SPAG9: variants seen among roughly 807,000 people sequenced by gnomAD.
The protein encoded by SPAG9 is sperm associated antigen 9.
In SPAG9, 35 loss-of-function variants were observed where a neutral mutation model predicts 166.5. That is an observed-to-expected ratio of 0.21 (90% CI 0.16 to 0.28). SPAG9 has a LOEUF of 0.28. Among genes scored for constraint, SPAG9 ranks in the 10% least tolerant of loss-of-function variants. SPAG9 has a pLI of 1.00. For synonymous variants in SPAG9, 534 were observed against 565.5 expected, an observed-to-expected ratio of 0.94 and a Z score of 0.79; for missense variants, 1,235 against 1,603.3, an observed-to-expected ratio of 0.77 and a Z score of 3.92.
intron 29 of SPAG9, among the ~76,000 whole-genome samples, chr17:50,966,950 A>G (rs73986839): frequency 0.028 from 4,233 of 152,332 alleles, 192 homozygotes; most frequent in African/African-American, 0.096. Flanking sequence ...TTTTCTTCCA[A>G]TGATTTTCAA....
chr17:51,101,908 A>G (rs958331317), intron 1 of SPAG9, among the ~76,000 whole-genome samples: 1 of 152,176 alleles, frequency 6.6e-6, no homozygotes, highest in Non-Finnish European at 1.5e-5. Flanking sequence ...TATAGGCATA[A>G]GCCACCGCGC....
chr17:51,100,783 G>C (rs1452970242), intron 1 of SPAG9, among the ~76,000 whole-genome samples: 1 of 151,994 alleles, frequency 6.6e-6, no homozygotes, highest in Non-Finnish European at 1.5e-5. Context: ...GCCAGGCATG[G>C]TGGTGCATGC....
At chr17:51,006,395 C>T (rs2045220350) in intron 10 of SPAG9, among the ~76,000 whole-genome samples, 158 bp from the exon 11 acceptor site, 1 of 152,036 alleles carries the variant, frequency 6.6e-6, no homozygotes, top group African/African-American at 2.4e-5. Context: ...GCAAAAAGAA[C>T]ACAAAGCAAC....
intron 9 of SPAG9, among the ~76,000 whole-genome samples, chr17:51,008,024 A>C (rs980844184): frequency 6.6e-6 from 1 of 152,222 alleles, no homozygotes; most frequent in Non-Finnish European, 1.5e-5. Flanking sequence ...GACAGAAATA[A>C]AGATGATTTC....
chr17:51,115,755 A>G (rs1159344348), intron 1 of SPAG9, among the ~76,000 whole-genome samples: 1 of 152,022 alleles, frequency 6.6e-6, no homozygotes, highest in Non-Finnish European at 1.5e-5. Context: ...GTTTGAACCC[A>G]GGAGGCGAAG....
In SPAG9 at chr17:51,075,128, G is replaced by A. The variant is rs553296742; in HGVS notation, c.424+4456C>T. Among the ~76,000 whole-genome samples, 236 of 148,338 alleles carry A rather than the reference G, an allele frequency of 1.6e-3. 1 individual carries two copies. The highest frequency in any genetic ancestry group is 5.4e-3 in the African/African-American group (218 of 40,306). Reference sequence around the variant, plus strand: ...GGAAAATCGCTTGAACCTGGGAGGCGGAGGTTGCAGTGAACCAATATCATG... The same window carrying A: ...GGAAAATCGCTTGAACCTGGGAGGCAGAGGTTGCAGTGAACCAATATCATG... On this transcript the variant is annotated intron_variant, in intron 2 of 29. Transcript: ENST00000262013.
intron 2 of SPAG9, among the ~76,000 whole-genome samples, chr17:51,064,320 A>G (rs1339262891): frequency 6.6e-6 from 1 of 152,248 alleles, no homozygotes; most frequent in Non-Finnish European, 1.5e-5. Context: ...GAGGAACTAA[A>G]CAAGTCAAGA....
At chr17:50,999,952 CGACA>C (rs1394245817) in intron 13 of SPAG9, among the ~76,000 whole-genome samples, 1 of 152,070 alleles carries the variant, frequency 6.6e-6, no homozygotes, top group East Asian at 1.9e-4. Flanking sequence ...CTTAGTCTAC[CGACA>C]GAGGACTGTA....
At chr17:51,003,739 C>A (rs570537397) in intron 12 of SPAG9, among the ~76,000 whole-genome samples, 2 of 152,258 alleles carry the variant, frequency 1.3e-5, no homozygotes, top group East Asian at 3.9e-4. Flanking sequence ...CTTAGCAGTC[C>A]TCCTCCTTTG....
At chr17:51,103,443 AAAG>A (rs2048859369) in intron 1 of SPAG9, among the ~76,000 whole-genome samples, 1 of 152,202 alleles carries the variant, frequency 6.6e-6, no homozygotes, top group Non-Finnish European at 1.5e-5. Flanking sequence ...AGGCAACAGA[AAAG>A]AAGAGAAAGT....
At chr17:51,118,761 G>A (rs989496895) in intron 1 of SPAG9, among the ~76,000 whole-genome samples, 2 of 152,082 alleles carry the variant, frequency 1.3e-5, no homozygotes, top group African/African-American at 4.8e-5. Context: ...CCATTCTGGC[G>A]GGGTGCGGTG....
rs962808306 is a variant in SPAG9, at chr17:50,984,785, A to G, written c.3088+138T>C. The G allele has an allele frequency of 3.0e-5, 22 of 733,952 alleles. No homozygotes were observed. The East Asian group carries it at 4.9e-4, about 16-fold the overall frequency. The allele number at this position is 733,952 out of a possible 1,614,324, so 45.5% of individuals were successfully genotyped here. A position where few individuals can be genotyped will look rare whatever the true frequency, so the allele number is the denominator to read the frequency against. On this transcript the variant is annotated intron_variant, in intron 24 of 29. Transcript: ENST00000262013. The stretch of plus-strand genomic sequence containing the variant: ...TGTATACCTCCATGCACGCACTAAT[A>G]TATTTACTGATGTTGTGTATTGTTA...
Position 50,985,771 on chromosome 17 carries a change from C to T in SPAG9, c.2947G>A (p.Val983Ile), listed in dbSNP as rs966505243. 8.8e-6 allele frequency: 14 copies of T among 1,597,514 alleles called. No individual in the cohort carries two copies. The highest frequency in any genetic ancestry group is 1.2e-5 in the Non-Finnish European group (14 of 1,166,344). Reference protein sequence around the residue: ...WLGAQNGCLYVHSSVAQWRKC... With the variant: ...WLGAQNGCLYIHSSVAQWRKC... Reference sequence around the variant, plus strand: ...CTCCACTGGGCTACAGATGAATGGACATACAAACTGTAAGAACAAAGTCAA... The same window carrying T: ...CTCCACTGGGCTACAGATGAATGGATATACAAACTGTAAGAACAAAGTCAA... Residue 983 changes from valine to isoleucine, a missense_variant, in exon 23 of 30, where the codon GTC becomes ATC. By Grantham distance (29) the Val-to-Ile change is conservative. Coordinates refer to ENST00000262013, the MANE Select transcript of SPAG9 (RefSeq NM_001130528.3).
Position 50,965,373 on chromosome 17 carries a change from G to A in SPAG9, c.*899C>T, listed in dbSNP as rs775191531. ...GTTAAGAGCAATCTAGGAACATTTG[G>A]CAAACAAGTACATTTTTTACATGGA... is the stretch of plus-strand genomic sequence containing the variant. On this transcript the variant is annotated 3_prime_UTR_variant, in exon 30 of 30. Coordinates refer to ENST00000262013, the MANE Select transcript of SPAG9 (RefSeq NM_001130528.3). 27 of 152,068 alleles carry A rather than the reference G, an allele frequency of 1.8e-4. No homozygotes were observed. Among genetic ancestry groups the A allele is most frequent in the Non-Finnish European group, 3.2e-4 (22 of 68,008 alleles). 9.4% of individuals were successfully genotyped at this position (152,068 alleles called of 1,614,324 possible).
chr17:50,976,273 T>G (rs1342246386), intron 27 of SPAG9, among the ~76,000 whole-genome samples: 1 of 152,166 alleles, frequency 6.6e-6, no homozygotes, highest in Non-Finnish European at 1.5e-5. Flanking sequence ...CCAATAACTA[T>G]GCTAAAATGA....
chr17:51,039,429 A>G (rs2046744054), intron 5 of SPAG9, among the ~76,000 whole-genome samples: 2 of 152,182 alleles, frequency 1.3e-5, no homozygotes, highest in Admixed American at 1.3e-4. Flanking sequence ...GTACATCCCA[A>G]CTAGTAACAT....
At chr17:51,070,504 T>TA (rs1568059651) in intron 2 of SPAG9, among the ~76,000 whole-genome samples, 1 of 152,112 alleles carries the variant, frequency 6.6e-6, no homozygotes, top group Non-Finnish European at 1.5e-5. Flanking sequence ...CTTGTAGATG[T>TA]AAAAAAATAT....
chr17:51,102,479 T>C (rs1403378601), intron 1 of SPAG9, among the ~76,000 whole-genome samples: 1 of 151,924 alleles, frequency 6.6e-6, no homozygotes, highest in Non-Finnish European at 1.5e-5. Flanking sequence ...AAATTAAGTT[T>C]TGGCACTTAA....
chr17:51,075,874 T>C (rs1050596470), intron 2 of SPAG9, among the ~76,000 whole-genome samples: 1 of 150,250 alleles, frequency 6.7e-6, no homozygotes, highest in Non-Finnish European at 1.5e-5. Flanking sequence ...GGCATGTGGA[T>C]CACGAGGTCA....
Sources: gnomAD v4.1 joint callset for allele counts (sites outside exome capture counted in the v4.1 genomes callset) on GRCh38, gnomAD v4.1.1 for gene constraint, MANE v1.5 for transcripts, NCBI Gene and HGNC (gene_info 2026-07-23, HGNC 2026-07-21) for gene names.